Variants in KIFC2 observed in about 807,000 individuals in gnomAD.
KIFC2 encodes the protein kinesin family member C2.
Under a neutral mutation model 91.5 loss-of-function variants are expected in KIFC2, and 94 were observed. That is an observed-to-expected ratio of 1.03 (90% CI 0.87 to 1.22). The LOEUF is 1.22. Ranked by LOEUF, KIFC2 falls within the 50% of genes most tolerant of loss-of-function variation. The pLI is 0.00. For synonymous variants in KIFC2, 729 were observed against 503.9 expected (o/e 1.45, Z -5.98); for missense variants, 1,357 against 1,103.3 (o/e 1.23, Z -3.26).
chr8:144,472,864 GGGGAGACCCAGACGGCGCCCGGCGCCTGC>G lies in KIFC2; in HGVS notation c.1937_1965del (p.Asp646GlyfsTer192). On this transcript the variant is annotated frameshift_variant, in exon 17 of 18. Transcript: ENST00000645548. LOFTEE classifies it high-confidence loss of function. ...AAGGCAGGGGCGGCCGGCCCGCCGCGGGGAGACCCAGACGGCGCCCGGCGCCTGCGGGAGGCCCAGACCATAAACCGCTC... is the reference window on the plus strand; with the variant it reads ...AAGGCAGGGGCGGCCGGCCCGCCGCGGGGAGGCCCAGACCATAAACCGCTC... 6.5e-7 allele frequency: 1 copy of G among 1,541,378 alleles called. No individual in the cohort carries two copies. The highest frequency in any genetic ancestry group is 8.6e-7 in the Non-Finnish European group (1 of 1,157,356).
At position 144,467,479 on chromosome 8, in the gene KIFC2, C is replaced by T. The variant is rs200097175; in HGVS notation, c.470-6C>T. On this transcript the variant is annotated splice_polypyrimidine_tract_variant and splice_region_variant and intron_variant, in intron 4 of 17. Transcript: ENST00000645548. ...TTCAGTGCTAACTGGGCCCACCCTA[C>T]TCCAGGATCCACATCCCAAGAAGAA... is the stretch of plus-strand genomic sequence containing the variant. The T allele has an allele frequency of 1.4e-5, 22 of 1,557,526 alleles. 1 individual carries two copies. The highest frequency in any genetic ancestry group is 6.7e-5 in the East Asian group (3 of 44,552).
Position 144,472,018 on chromosome 8 carries a change from C to G in KIFC2, c.1457C>G (p.Thr486Arg). 1 of 1,613,566 alleles carries G rather than the reference C, an allele frequency of 6.2e-7. No individual in the cohort carries two copies. The highest frequency in any genetic ancestry group is 8.5e-7 in the Non-Finnish European group (1 of 1,180,034). The change falls in exon 13 of 18, where the codon ACA (threonine) becomes AGA (arginine). Residue 486 changes from threonine to arginine, a missense_variant. Thr to Arg is a moderately conservative substitution (Grantham distance 71). Transcript: ENST00000645548. ...GTCTGCATCTTCACCTATGGCCAGA[C>G]AGGCACCGGGAAGACCTACAGCATG... ...YSVCIFTYGQ[T>R]GTGKTYSMEG...
chr8:144,472,587 T>C lies in KIFC2; in HGVS notation c.1742T>C (p.Leu581Pro). The C allele has an allele frequency of 1.9e-6, 3 of 1,610,226 alleles. No individual in the cohort carries two copies. Among genetic ancestry groups the C allele is most frequent in the Non-Finnish European group, 2.5e-6 (3 of 1,179,772 alleles). Residue 581 changes from leucine to proline, a missense_variant, in exon 16 of 18, where the codon CTG becomes CCG. By Grantham distance (98) the Leu-to-Pro change is moderately conservative (BLOSUM62 -3). Transcript: ENST00000645548. ...NLETLHQMLKLGRSNRATAAT... is the reference protein window; with the variant it reads ...NLETLHQMLKPGRSNRATAAT... ...CGCCCCGCCTTCCAGATGCTGAAACTGGGGAGGAGCAACCGGGCCACCGCC... is the reference window on the plus strand; with the variant it reads ...CGCCCCGCCTTCCAGATGCTGAAACCGGGGAGGAGCAACCGGGCCACCGCC...
chr8:144,472,698 G>A lies in KIFC2; in HGVS notation c.1853G>A (p.Gly618Asp), dbSNP rs748321457. 2 of 1,594,564 alleles carry A rather than the reference G, an allele frequency of 1.3e-6. No individual in the cohort carries two copies. The highest frequency in any genetic ancestry group is 1.7e-6 in the Non-Finnish European group (2 of 1,177,808). ...GCGGCGTCTCCACCGCGCGCTCCAGGCACCGCAGGTACCACGGCCGGTGCC... is the reference window on the plus strand; with the variant it reads ...GCGGCGTCTCCACCGCGCGCTCCAGACACCGCAGGTACCACGGCCGGTGCC... ...LRAASPPRAP[G>D]TAGTLHLVDL... The change falls in exon 16 of 18, where the codon GGC becomes GAC. Residue 618 changes from glycine to aspartate, a missense_variant. Gly to Asp is a moderately conservative substitution (Grantham distance 94, BLOSUM62 -1). Coordinates refer to ENST00000645548, the MANE Select transcript of KIFC2 (RefSeq NM_001369769.2).
In KIFC2 at chr8:144,473,220, G is replaced by T; in HGVS notation, c.2207G>T (p.Arg736Leu). ...RVGQVELGPARRRRVPRSSGT... is the reference protein window; with the variant it reads ...RVGQVELGPALRRRVPRSSGT... The stretch of plus-strand genomic sequence containing the variant: ...GGTCAAGTGGAGCTGGGGCCAGCCC[G>T]GCGCCGCAGGGTCCCGCGCTCCTCC... Residue 736 changes from arginine to leucine, a missense_variant, in exon 18 of 18, where the codon CGG (arginine) becomes CTG (leucine). Physicochemically the swap from Arg to Leu is moderately radical, Grantham distance 102. Coordinates refer to ENST00000645548, the MANE Select transcript of KIFC2 (RefSeq NM_001369769.2). The T allele has an allele frequency of 6.3e-7, 1 of 1,593,228 alleles. No homozygotes were observed. The highest frequency in any genetic ancestry group is 8.5e-7 in the Non-Finnish European group (1 of 1,171,116).
Position 144,472,955 on chromosome 8 carries a change from G to GGCCCACCGGCCGCACGTGCCC in KIFC2, c.2023_2043dup (p.Ala675_Pro681dup). 6.8e-7 allele frequency: 1 copy of GGCCCACCGGCCGCACGTGCCC among 1,467,828 alleles called. No homozygotes were observed. The highest frequency in any genetic ancestry group is 8.9e-7 in the Non-Finnish European group (1 of 1,118,078). 90.9% of individuals were successfully genotyped at this position (1,467,828 alleles called of 1,614,324 possible). A position where few individuals can be genotyped will look rare whatever the true frequency, so the allele number is the denominator to read the frequency against. The stretch of plus-strand genomic sequence containing the variant: ...TAGGAGGCGTGATGGCCGCACTGCG[G>GGCCCACCGGCCGCACGTGCCC]GCCCACCGGCCGCACGTGCCCTTCC... On this transcript the variant is annotated inframe_insertion, in exon 17 of 18. Coordinates refer to ENST00000645548, the MANE Select transcript of KIFC2 (RefSeq NM_001369769.2).
chr8:144,468,311 G>C lies in KIFC2; in HGVS notation c.811-18G>C, dbSNP rs777739099. On this transcript the variant is annotated intron_variant, in intron 7 of 17. Coordinates refer to ENST00000645548, the MANE Select transcript of KIFC2 (RefSeq NM_001369769.2). The stretch of plus-strand genomic sequence containing the variant: ...ACCGTCCCTCTCTGAGTCCCTCCTG[G>C]CCCCCACCCTCCCGCAGGAGGAGGC... 15 of 1,599,248 alleles carry C rather than the reference G, an allele frequency of 9.4e-6. No individual in the cohort carries two copies. Among genetic ancestry groups the C allele is most frequent in the Non-Finnish European group, 1.2e-5 (14 of 1,172,852 alleles).
In KIFC2 at chr8:144,474,071, G is replaced by T; in HGVS notation, c.*682G>T. On this transcript the variant is annotated 3_prime_UTR_variant, in exon 18 of 18. Coordinates refer to ENST00000645548, the MANE Select transcript of KIFC2 (RefSeq NM_001369769.2). ...CAGGGTGAGGGTTGTGCCCAGCTGG[G>T]CCACGGCCATGCGTGGGGTGGCCCA... 1 of 615,918 alleles carries T rather than the reference G, an allele frequency of 1.6e-6. No individual in the cohort carries two copies. Among genetic ancestry groups the T allele is most frequent in the East Asian group, 2.8e-5 (1 of 36,302 alleles). The allele number at this position is 615,918 out of a possible 1,614,324, so 38.2% of individuals were successfully genotyped here. A position where few individuals can be genotyped will look rare whatever the true frequency, so the allele number is the denominator to read the frequency against.
chr8:144,467,314 C>T lies in KIFC2; in HGVS notation c.442C>T (p.Pro148Ser), dbSNP rs764987572. Reference sequence around the variant, plus strand: ...CCTGCTCCAGGGGACTCAGCCAGCCCCTCGGGTCCGGCCCCCCTCTCCAGA... The same window carrying T: ...CCTGCTCCAGGGGACTCAGCCAGCCTCTCGGGTCCGGCCCCCCTCTCCAGA... ...QALLQGTQPA[P>S]RVRPPSPDGS... Residue 148 changes from proline to serine, a missense_variant, in exon 4 of 18, where the codon CCT becomes TCT. Transcript: ENST00000645548. 8 of 1,611,170 alleles carry T rather than the reference C, an allele frequency of 5.0e-6. No individual in the cohort carries two copies. Among genetic ancestry groups the T allele is most frequent in the African/African-American group, 2.7e-5 (2 of 74,896 alleles).
chr8:144,469,720 C>A, intron 12 of KIFC2, 73 bp downstream of exon 12: 1 of 1,496,804 alleles, frequency 6.7e-7, no homozygotes, highest in African/African-American at 1.4e-5. Context: ...GCTCCAGTTT[C>A]CCCTTCCCAG....
rs756139495 is a variant in KIFC2 at position 144,467,328 on chromosome 8, C to T, written c.456C>T (p.Pro152=). The part of the protein sequence containing the change: ...QGTQPAPRVR[P]PSPDGSTSQE... ...CTCAGCCAGCCCCTCGGGTCCGGCCCCCCTCTCCAGATGGTGAGTAAAGGA... is the reference window on the plus strand; with the variant it reads ...CTCAGCCAGCCCCTCGGGTCCGGCCTCCCTCTCCAGATGGTGAGTAAAGGA... Residue 152 remains proline (P), a synonymous_variant, in exon 4 of 18, where the codon CCC becomes CCT. Transcript: ENST00000645548. The T allele has an allele frequency of 4.4e-6, 7 of 1,607,984 alleles. No individual in the cohort carries two copies. The highest frequency in any genetic ancestry group is 3.3e-5 in the South Asian group (3 of 90,450).
chr8:144,466,453 T>C lies in KIFC2; in HGVS notation c.34T>C (p.Phe12Leu). ...CTTTTACTCGTTGCTCATCTACATCTTCTACAGCCTCTTCCGCAGGGATGG... is the reference window on the plus strand; with the variant it reads ...CTTTTACTCGTTGCTCATCTACATCCTCTACAGCCTCTTCCGCAGGGATGG... ...YAFYSLLIYIFYSLFRRDGGA... is the reference protein window; with the variant it reads ...YAFYSLLIYILYSLFRRDGGA... The change falls in exon 1 of 18, where the codon TTC becomes CTC. Residue 12 changes from phenylalanine (F) to leucine (L), a missense_variant. By Grantham distance (22) the Phe-to-Leu change is conservative. Transcript: ENST00000645548. 7.4e-7 allele frequency: 1 copy of C among 1,358,596 alleles called. No homozygotes were observed. Among genetic ancestry groups the C allele is most frequent in the Non-Finnish European group, 9.6e-7 (1 of 1,043,006 alleles). 84.2% of individuals were successfully genotyped at this position (1,358,596 alleles called of 1,614,324 possible).
At chr8:144,470,577 TCAAA>T (rs1231472212) in intron 12 of KIFC2, 2 of 152,374 alleles carry the variant, frequency 1.3e-5, no homozygotes, top group South Asian at 2.1e-4. Context: ...GTGGCTGTCT[TCAAA>T]CAGAGCTGAC....
chr8:144,468,895 C>T (rs953091654), intron 10 of KIFC2, 61 bp downstream of exon 10: 27 of 1,402,684 alleles, frequency 1.9e-5, no homozygotes, highest in East Asian at 2.3e-5. Context: ...GTTCTTTTGA[C>T]GGGGGCGTTC....
chr8:144,466,673 C>T (rs1186525379), intron 1 of KIFC2, 87 bp from the exon 2 acceptor site: 4 of 1,194,624 alleles, frequency 3.3e-6, no homozygotes, highest in Non-Finnish European at 4.5e-6. Context: ...TAGACTTCGG[C>T]CCCAATCCTC....
At position 144,469,228 on chromosome 8, in the gene KIFC2, C is replaced by G. The variant is rs570509276; in HGVS notation, c.1114-43C>G. ...CCTCCCACCCCCCACCTCCGCAGCT[C>G]CTTGGCTGACCCCTTGCCTTCTGTA... On this transcript the variant is annotated intron_variant, in intron 10 of 17. Coordinates refer to ENST00000645548, the MANE Select transcript of KIFC2 (RefSeq NM_001369769.2). 13 of 1,495,534 alleles carry G rather than the reference C, an allele frequency of 8.7e-6. No homozygotes were observed. In the African/African-American group the frequency reaches 1.8e-4, roughly 21 times the overall value. The allele number at this position is 1,495,534 out of a possible 1,614,324, so 92.6% of individuals were successfully genotyped here.
Position 144,473,457 on chromosome 8 carries a change from C to T in KIFC2, c.*68C>T, listed in dbSNP as rs754557940. 8.8e-6 allele frequency: 13 copies of T among 1,483,314 alleles called. No homozygotes were observed. The highest frequency in any genetic ancestry group is 2.3e-5 in the Admixed American group (1 of 43,824). The allele number at this position is 1,483,314 out of a possible 1,614,324, so 91.9% of individuals were successfully genotyped here. On this transcript the variant is annotated 3_prime_UTR_variant, in exon 18 of 18. Coordinates refer to ENST00000645548, the MANE Select transcript of KIFC2 (RefSeq NM_001369769.2). Reference sequence around the variant, plus strand: ...CTGCTGGCAGAGGCGGTAGTAAAGTCCCTGTACCCCGTCTCCCAGGGCACA... The same window carrying T: ...CTGCTGGCAGAGGCGGTAGTAAAGTTCCTGTACCCCGTCTCCCAGGGCACA...
chr8:144,466,680 C>T (rs548389033), intron 1 of KIFC2, 80 bp from the exon 2 acceptor site: 110 of 1,255,780 alleles, frequency 8.8e-5, no homozygotes, highest in Non-Finnish European at 1.0e-4. Context: ...CGGCCCCAAT[C>T]CTCCGGCCCG....
chr8:144,469,785 G>A (rs1824854303), intron 12 of KIFC2, 138 bp downstream of exon 12: 3 of 1,093,102 alleles, frequency 2.7e-6, no homozygotes, highest in African/African-American at 1.6e-5. Flanking sequence ...AGGAAGGAAA[G>A]GGAACCGAGG....
Sources: allele counts gnomAD v4.1 joint callset, GRCh38; gene constraint gnomAD v4.1.1; transcripts MANE v1.5; gene names NCBI Gene and HGNC (gene_info 2026-07-23, HGNC 2026-07-21).